The following SMIM13 variants were observed in gnomAD, a reference collection of about 807,000 sequenced individuals.
The protein encoded by SMIM13 is UPF0766 protein C6orf228.
In SMIM13, 3 loss-of-function variants were observed where a neutral mutation model predicts 5.9. The ratio of observed to expected loss-of-function variants is 0.51; its 90% CI spans 0.23 to 1.31. The LOEUF (loss-of-function observed/expected upper bound fraction) is 1.31. Among genes scored for constraint, SMIM13 ranks in the 40% most tolerant of loss-of-function variants. SMIM13 has a pLI of 0.18. For synonymous variants in SMIM13, 55 were observed against 46.0 expected, an observed-to-expected ratio of 1.19 and a Z score of -0.79; for missense variants, 85 against 109.9, an observed-to-expected ratio of 0.77 and a Z score of 1.01.
chr6:11,114,592 C>CTCT (rs1758212653), intron 1 of SMIM13, among the ~76,000 whole-genome samples: 1 of 21,842 alleles, frequency 4.6e-5, no homozygotes, highest in Non-Finnish European at 7.4e-5. Context: ...CACTTTTTCT[C>CTCT]TTTTTTTTTT....
rs1757892947 is a variant in SMIM13 at position 11,094,311 on chromosome 6, A to G, written c.-3A>G. 29 of 1,490,722 alleles carry G rather than the reference A, an allele frequency of 1.9e-5. No individual in the cohort carries two copies. The East Asian group carries it at 7.4e-4, about 38-fold the overall frequency. The allele number at this position is 1,490,722 out of a possible 1,614,324, so 92.3% of individuals were successfully genotyped here. A position where few individuals can be genotyped will look rare whatever the true frequency, so the allele number is the denominator to read the frequency against. Reference sequence around the variant, plus strand: ...CCGAGCCGACTGCCCTTCTGCCCCCAAGATGTGGCACAGCGTCGGGCTGAC... The same window carrying G: ...CCGAGCCGACTGCCCTTCTGCCCCCGAGATGTGGCACAGCGTCGGGCTGAC... On this transcript the variant is annotated 5_prime_UTR_variant, in exon 1 of 2. Coordinates refer to ENST00000416247, the MANE Select transcript of SMIM13 (RefSeq NM_001135575.2).
chr6:11,094,753 A>T (rs887833343), intron 1 of SMIM13, among the ~76,000 whole-genome samples: 3 of 152,090 alleles, frequency 2.0e-5, no homozygotes, highest in East Asian at 1.9e-4. Flanking sequence ...ATTTGCACAG[A>T]TTCTGACCTT....
rs1380638578 is a variant in SMIM13, at chr6:11,094,326, G to A, written c.13G>A (p.Val5Ile). 15 of 1,525,308 alleles carry A rather than the reference G, an allele frequency of 9.8e-6. No individual in the cohort carries two copies. Among genetic ancestry groups the A allele is most frequent in the Admixed American group, 4.0e-5 (2 of 50,468 alleles). The allele number at this position is 1,525,308 out of a possible 1,614,324, so 94.5% of individuals were successfully genotyped here. Residue 5 changes from valine (V) to isoleucine (I), a missense_variant, in exon 1 of 2, where the codon GTC (valine) becomes ATC (isoleucine). Val to Ile is a conservative substitution (Grantham distance 29). Coordinates refer to ENST00000416247, the MANE Select transcript of SMIM13 (RefSeq NM_001135575.2). Reference protein sequence around the residue: MWHSVGLTLLVFVAT... With the variant: MWHSIGLTLLVFVAT... ...TTCTGCCCCCAAGATGTGGCACAGC[G>A]TCGGGCTGACTCTGCTTGTGTTCGT...
chr6:11,124,637 C>G (rs1417202435), intron 1 of SMIM13, among the ~76,000 whole-genome samples: 2 of 152,156 alleles, frequency 1.3e-5, no homozygotes, highest in South Asian at 2.1e-4. Context: ...TCCACCAGCA[C>G]TGTACAAGGG....
chr6:11,131,402 A>AT lies in SMIM13; in HGVS notation c.77-2986dup, dbSNP rs532571536. ...AGTCCCTGTCAAAATTCTTGATGCC[A>AT]TTTTTTTTTTTTTTTACTGAAATCG... is the stretch of plus-strand genomic sequence containing the variant. On this transcript the variant is annotated intron_variant, in intron 1 of 1. Transcript: ENST00000416247. 4.4e-3 allele frequency among the ~76,000 whole-genome samples: 621 copies of AT among 142,572 alleles called. 2 individuals are homozygous for AT. Among genetic ancestry groups the AT allele is most frequent in the African/African-American group, 8.5e-3 (331 of 39,092 alleles). 93.5% of individuals were successfully genotyped at this position (142,572 alleles called of 152,430 possible).
chr6:11,125,616 A>AAAC (rs546616701), intron 1 of SMIM13, among the ~76,000 whole-genome samples: 78 of 152,194 alleles, frequency 5.1e-4, no homozygotes, highest in South Asian at 1.2e-3. Context: ...ACAAAAGACA[A>AAAC]AACAACAACA....
Position 11,094,337 on chromosome 6 carries a change from T to G in SMIM13, c.24T>G (p.Thr8=). The change falls in exon 1 of 2, where the codon ACT becomes ACG. Residue 8 remains threonine (T), a synonymous_variant. Coordinates refer to ENST00000416247, the MANE Select transcript of SMIM13 (RefSeq NM_001135575.2). MWHSVGL[T]LLVFVATLLI... Reference sequence around the variant, plus strand: ...AGATGTGGCACAGCGTCGGGCTGACTCTGCTTGTGTTCGTGGCCACGCTGC... The same window carrying G: ...AGATGTGGCACAGCGTCGGGCTGACGCTGCTTGTGTTCGTGGCCACGCTGC... 6.5e-7 allele frequency: 1 copy of G among 1,533,014 alleles called. No homozygotes were observed. Among genetic ancestry groups the G allele is most frequent in the African/African-American group, 1.4e-5 (1 of 73,050 alleles). The allele number at this position is 1,533,014 out of a possible 1,614,324, so 95.0% of individuals were successfully genotyped here. A position where few individuals can be genotyped will look rare whatever the true frequency, so the allele number is the denominator to read the frequency against.
At chr6:11,117,009 T>TTTTTTA (rs1758248887) in intron 1 of SMIM13, among the ~76,000 whole-genome samples, 1 of 134,870 alleles carries the variant, frequency 7.4e-6, no homozygotes, top group Admixed American at 7.3e-5. Flanking sequence ...TTTTTTTTTT[T>TTTTTTA]GAGACGTAGT....
At chr6:11,120,923 G>A (rs1375357452) in intron 1 of SMIM13, among the ~76,000 whole-genome samples, 1 of 152,198 alleles carries the variant, frequency 6.6e-6, no homozygotes, top group Admixed American at 6.5e-5. Context: ...TTTGTGGTGT[G>A]TTGATAGTGA....
rs909360832 is a variant in SMIM13, at chr6:11,135,292, G to C, written c.*690G>C. On this transcript the variant is annotated 3_prime_UTR_variant, in exon 2 of 2. Transcript: ENST00000416247. ...CAAAGCAACAACAAAATGTTTTACGGGACCTAAGAAAGGTAGGTACCCACA... is the reference window on the plus strand; with the variant it reads ...CAAAGCAACAACAAAATGTTTTACGCGACCTAAGAAAGGTAGGTACCCACA... The C allele has an allele frequency of 6.6e-6, 1 of 152,472 alleles. No individual in the cohort carries two copies. Among genetic ancestry groups the C allele is most frequent in the Non-Finnish European group, 1.5e-5 (1 of 68,024 alleles). 9.4% of individuals were successfully genotyped at this position (152,472 alleles called of 1,614,324 possible). A position where few individuals can be genotyped will look rare whatever the true frequency, so the allele number is the denominator to read the frequency against.
At chr6:11,130,253 TA>T (rs35012412) in intron 1 of SMIM13, among the ~76,000 whole-genome samples, 31,804 of 140,160 alleles carry the variant, frequency 0.23, 3,840 homozygotes, top group East Asian at 0.44. Context: ...GTAGTCATTG[TA>T]AAAAAAAAAA....
rs891203544 is a variant in SMIM13, at chr6:11,138,262, C to G, written c.*3660C>G. 2 of 152,160 alleles carry G rather than the reference C, an allele frequency of 1.3e-5. No homozygotes were observed. The highest frequency in any genetic ancestry group is 4.8e-5 in the African/African-American group (2 of 41,446). The allele number at this position is 152,160 out of a possible 1,614,324, so 9.4% of individuals were successfully genotyped here. ...ATGGAATAGTGTTCTGTTGTGAAGTCTAGAACTAAAGCACCTTGTATTGTC... is the reference window on the plus strand; with the variant it reads ...ATGGAATAGTGTTCTGTTGTGAAGTGTAGAACTAAAGCACCTTGTATTGTC... On this transcript the variant is annotated 3_prime_UTR_variant, in exon 2 of 2. Transcript: ENST00000416247.
At chr6:11,117,784 C>CT (rs1758261098) in intron 1 of SMIM13, among the ~76,000 whole-genome samples, 1 of 149,718 alleles carries the variant, frequency 6.7e-6, no homozygotes, top group African/African-American at 2.5e-5. Context: ...GGGTCTCTCT[C>CT]TGTCACCCAG....
At chr6:11,127,186 G>A (rs1758387751) in intron 1 of SMIM13, among the ~76,000 whole-genome samples, 1 of 152,172 alleles carries the variant, frequency 6.6e-6, no homozygotes, top group South Asian at 2.1e-4. Context: ...ATCAGCAGGT[G>A]GTGAATCTAG....
intron 1 of SMIM13, among the ~76,000 whole-genome samples, chr6:11,122,566 G>A (rs1758325338): frequency 6.6e-6 from 1 of 151,394 alleles, no homozygotes; most frequent in African/African-American, 2.4e-5. Context: ...GATCAGGCCT[G>A]TGACCTTTTT....
chr6:11,101,937 A>C (rs1166244309), intron 1 of SMIM13, among the ~76,000 whole-genome samples: 1 of 152,160 alleles, frequency 6.6e-6, no homozygotes, highest in Admixed American at 6.5e-5. Flanking sequence ...ACAGGGTTTC[A>C]CTATGTTGGC....
rs181804052 is a variant in SMIM13, at chr6:11,126,523, A to T, written c.77-7880A>T. ...TCAATCTTTTTGTTAAATTTATCTG[A>T]TAGGTTTCAAATTCATTCTCTTTAA... is the stretch of plus-strand genomic sequence containing the variant. On this transcript the variant is annotated intron_variant, in intron 1 of 1. Transcript: ENST00000416247. Among the ~76,000 whole-genome samples, 323 of 152,226 alleles carry T rather than the reference A, an allele frequency of 2.1e-3. 1 individual carries two copies. The highest frequency in any genetic ancestry group is 5.0e-3 in the South Asian group (24 of 4,820).
chr6:11,104,633 T>C (rs377429449), intron 1 of SMIM13: 30 of 1,614,140 alleles, frequency 1.9e-5, no homozygotes, highest in Non-Finnish European at 2.5e-5. Context: ...ATAGAACCCA[T>C]TCCGCTGTAG....
intron 1 of SMIM13, among the ~76,000 whole-genome samples, chr6:11,130,391 A>G (rs1207402047): frequency 6.6e-6 from 1 of 152,096 alleles, no homozygotes; most frequent in East Asian, 1.9e-4. Flanking sequence ...TAACTACTAC[A>G]TGTTTTCCCC....
Sources: allele counts gnomAD v4.1 joint callset (sites outside exome capture counted in the v4.1 genomes callset), GRCh38; gene constraint gnomAD v4.1.1; transcripts MANE v1.5; gene names NCBI Gene and HGNC (gene_info 2026-07-23, HGNC 2026-07-21).